Variants in ZNF133 observed in about 807,000 individuals in gnomAD.
ZNF133 encodes zinc finger protein 133.
In ZNF133, 26 loss-of-function variants were observed where a neutral mutation model predicts 54.9. That is an observed-to-expected ratio of 0.47 (90% CI 0.35 to 0.66). The LOEUF (loss-of-function observed/expected upper bound fraction) is 0.66, where lower values mean the gene tolerates loss of function less well. Ranked by LOEUF, ZNF133 falls within the 30% of genes least tolerant of loss-of-function variation. The probability of loss-of-function intolerance (pLI) is 0.01; values close to 1 mark genes in which losing one functional copy is unlikely to be tolerated. For synonymous variants in ZNF133, 298 were observed against 320.3 expected (o/e 0.93, Z 0.74); for missense variants, 653 against 820.8 (o/e 0.80, Z 2.50).
At chr20:18,302,426 A>G (rs1410828111) in intron 3 of ZNF133, among the ~76,000 whole-genome samples, 1 of 151,382 alleles carries the variant, frequency 6.6e-6, no homozygotes, top group Non-Finnish European at 1.5e-5. Context: ...AAAAAAATCA[A>G]TGCATATAAA....
chr20:18,299,299 C>A (rs1415885596), intron 3 of ZNF133, among the ~76,000 whole-genome samples: 1 of 152,018 alleles, frequency 6.6e-6, no homozygotes, highest in Non-Finnish European at 1.5e-5. Flanking sequence ...TTAAAAAGTA[C>A]AACTGAAAAG....
chr20:18,310,590 A>G (rs4813312), intron 6 of ZNF133, among the ~76,000 whole-genome samples: 151,694 of 152,296 alleles, frequency 1, 75,546 homozygotes, highest in East Asian at 1. Flanking sequence ...ACTCATAGAG[A>G]AAGAGAATAC....
At chr20:18,314,848 T>C in intron 6 of ZNF133, 2 of 437,166 alleles carry the variant, frequency 4.6e-6, no homozygotes, top group Non-Finnish European at 8.0e-6. Context: ...GGGATGCTTG[T>C]GTAGTCTTAT....
chr20:18,306,904 G>A (rs2044754280), intron 6 of ZNF133: 1 of 465,588 alleles, frequency 2.1e-6, no homozygotes, highest in Non-Finnish European at 2.8e-6. Flanking sequence ...AACCATCAAA[G>A]CCTGAACTAT....
intron 1 of ZNF133, among the ~76,000 whole-genome samples, chr20:18,289,684 A>G (rs1040343280): frequency 6.6e-6 from 1 of 152,200 alleles, no homozygotes. Context: ...TGTTGAAAGG[A>G]TAGAATGAGG....
intron 6 of ZNF133, chr20:18,310,102 CCTA>C (rs1163500905): frequency 8.0e-5 from 100 of 1,247,488 alleles, no homozygotes; most frequent in Non-Finnish European, 9.2e-5. Flanking sequence ...AAGCAGCTTA[CCTA>C]TCATTGTCTT....
chr20:18,298,226 C>T, intron 2 of ZNF133, 63 bp from the exon 3 acceptor site: 1 of 1,475,674 alleles, frequency 6.8e-7, no homozygotes, highest in Non-Finnish European at 9.0e-7. Flanking sequence ...CAGTTATTCA[C>T]CTAGTAAACT....
At position 18,298,433 on chromosome 20, in the gene ZNF133, C is replaced by T. The variant is rs1419793329; in HGVS notation, c.-209C>T. ...GGAACTCTGGAGTCTAGTTGAAGGC[C>T]TCCAGTTCCCAGGGGGAAGGAAGCA... On this transcript the variant is annotated 5_prime_UTR_variant, in exon 3 of 7. Transcript: ENST00000425686. 9.9e-6 allele frequency: 7 copies of T among 703,752 alleles called. No homozygotes were observed. The highest frequency in any genetic ancestry group is 1.3e-5 in the Non-Finnish European group (7 of 553,618). 43.6% of individuals were successfully genotyped at this position (703,752 alleles called of 1,614,324 possible).
intron 1 of ZNF133, among the ~76,000 whole-genome samples, chr20:18,292,173 A>G (rs2146843033): frequency 6.6e-6 from 1 of 152,308 alleles, no homozygotes; most frequent in East Asian, 1.9e-4. Context: ...CCTTTCAGTG[A>G]TCTCTTTGTT....
intron 6 of ZNF133, among the ~76,000 whole-genome samples, chr20:18,310,560 G>A (rs923995481): frequency 6.6e-6 from 1 of 152,188 alleles, no homozygotes; most frequent in African/African-American, 2.4e-5. Flanking sequence ...TTACTTATAT[G>A]TGCAGTCTAA....
rs1319343949 is a variant in ZNF133 at position 18,316,402 on chromosome 20, A to C, written c.1551A>C (p.Ser517=). The C allele has an allele frequency of 7.4e-6, 12 of 1,613,248 alleles. No homozygotes were observed. Among genetic ancestry groups the C allele is most frequent in the Non-Finnish European group, 2.5e-6 (3 of 1,179,772 alleles). The change falls in exon 7 of 7, where the codon TCA becomes TCC. Residue 517 remains serine (S), a synonymous_variant. Transcript: ENST00000425686. Reference sequence around the variant, plus strand: ...TTGTTGCACACCAGAGGACGCACTCAGGGGAGAGGCCGTATGTGTGCCGAG... The same window carrying C: ...TTGTTGCACACCAGAGGACGCACTCCGGGGAGAGGCCGTATGTGTGCCGAG... ...SNLVAHQRTH[S]GERPYVCREC...
intron 6 of ZNF133, chr20:18,306,806 T>TAA: frequency 1.6e-6 from 2 of 1,222,036 alleles, no homozygotes; most frequent in Admixed American, 3.4e-5. Flanking sequence ...AATGGAATTC[T>TAA]AAAAAAAACT....
intron 3 of ZNF133, among the ~76,000 whole-genome samples, chr20:18,298,918 G>A (rs749547082): frequency 6.6e-6 from 1 of 152,070 alleles, no homozygotes; most frequent in Non-Finnish European, 1.5e-5. Context: ...TTACACCTCA[G>A]GCTGATTCTT....
chr20:18,299,817 C>T (rs1465852357), intron 3 of ZNF133, among the ~76,000 whole-genome samples: 5 of 152,108 alleles, frequency 3.3e-5, no homozygotes, highest in Admixed American at 2.0e-4. Context: ...AACGAACAAA[C>T]AAAAAAGCCT....
At chr20:18,311,901 A>G (rs2046097711) in intron 6 of ZNF133, among the ~76,000 whole-genome samples, 1 of 152,244 alleles carries the variant, frequency 6.6e-6, no homozygotes, top group Admixed American at 6.5e-5. Flanking sequence ...CTAATCTTAC[A>G]TATTTATGAA....
chr20:18,305,232 C>T lies in ZNF133; in HGVS notation c.-7+54C>T, dbSNP rs574549449. The T allele has an allele frequency of 1.0e-5, 10 of 984,830 alleles. No homozygotes were observed. The African/African-American group carries it at 1.4e-4, about 14-fold the overall frequency. The allele number at this position is 984,830 out of a possible 1,614,324, so 61.0% of individuals were successfully genotyped here. ...CAGAGGTGGGTCTGAAACTCAGGCA[C>T]CATGATTCCAGGGCTTCACTACTCT... On this transcript the variant is annotated intron_variant, in intron 4 of 6. Coordinates refer to ENST00000425686, the MANE Select transcript of ZNF133 (RefSeq NM_001352452.2). The surrounding 1 kb of genome is among the most constrained non-coding windows in gnomAD (Gnocchi z 4.7).
Position 18,315,624 on chromosome 20 carries a change from C to T in ZNF133, c.773C>T (p.Ala258Val). ...EKGFSLKKSL[A>V]RHQKAHSGEK... ...GGCTTCAGCCTAAAGAAGAGCCTCG[C>T]CAGACACCAGAAGGCACACTCGGGG... Residue 258 changes from alanine to valine, a missense_variant, in exon 7 of 7, where the codon GCC (alanine) becomes GTC (valine). Physicochemically the swap from Ala to Val is moderately conservative, Grantham distance 64 (BLOSUM62 0). This residue lies in a region of ZNF133 where 292 missense variants were observed against 431.6 expected (regional missense o/e 0.68). Coordinates refer to ENST00000425686, the MANE Select transcript of ZNF133 (RefSeq NM_001352452.2). 6.2e-7 allele frequency: 1 copy of T among 1,613,344 alleles called. No individual in the cohort carries two copies. The highest frequency in any genetic ancestry group is 8.5e-7 in the Non-Finnish European group (1 of 1,179,742).
Position 18,316,818 on chromosome 20 carries a change from G to A in ZNF133, c.*2G>A, listed in dbSNP as rs755825843. ...TCGGATTCCTTATACTCTCTCTGAAGGCAAAGATGGGGACAAGGACTAAGA... is the reference window on the plus strand; with the variant it reads ...TCGGATTCCTTATACTCTCTCTGAAAGCAAAGATGGGGACAAGGACTAAGA... On this transcript the variant is annotated 3_prime_UTR_variant, in exon 7 of 7. Coordinates refer to ENST00000425686, the MANE Select transcript of ZNF133 (RefSeq NM_001352452.2). 2.8e-5 allele frequency: 45 copies of A among 1,597,838 alleles called. No individual in the cohort carries two copies. The highest frequency in any genetic ancestry group is 3.6e-5 in the Non-Finnish European group (42 of 1,170,804).
At chr20:18,288,963 G>T (rs550553932) in intron 1 of ZNF133, among the ~76,000 whole-genome samples, 4 of 152,274 alleles carry the variant, frequency 2.6e-5, no homozygotes, top group East Asian at 3.9e-4. Flanking sequence ...CCCCGGTTTT[G>T]GGGGAGTTGA....
Sources: allele counts gnomAD v4.1 joint callset (sites outside exome capture counted in the v4.1 genomes callset), GRCh38; gene constraint gnomAD v4.1.1; regional missense constraint gnomAD v4.1.1; non-coding constraint Gnocchi (gnomAD v3.1); transcripts MANE v1.5; gene names NCBI Gene and HGNC (gene_info 2026-07-23, HGNC 2026-07-21).